Variants in TOP2A observed in about 807,000 individuals in gnomAD.
TOP2A encodes DNA topoisomerase II alpha.
Under a neutral mutation model 187.2 loss-of-function variants are expected in TOP2A, and 68 were observed. That is an observed-to-expected ratio of 0.36 (90% CI 0.30 to 0.44). The LOEUF is 0.44. Ranked by LOEUF, TOP2A falls within the 20% of genes least tolerant of loss-of-function variation. TOP2A has a pLI of 1.00. For synonymous variants in TOP2A, 542 were observed against 593.2 expected, an observed-to-expected ratio of 0.91 and a Z score of 1.25; for missense variants, 1,196 against 1,808.7, an observed-to-expected ratio of 0.66 and a Z score of 6.14.
At chr17:40,404,070 A>G in intron 19 of TOP2A, 82 bp downstream of exon 19, 1 of 1,540,326 alleles carries the variant, frequency 6.5e-7, no homozygotes, top group South Asian at 1.2e-5. Context: ...ATGAGCTTAT[A>G]CTTTCACCAA....
chr17:40,391,548 C>A lies in TOP2A; in HGVS notation c.4225G>T (p.Val1409Phe), dbSNP rs1311607691. 1 of 1,613,244 alleles carries A rather than the reference C, an allele frequency of 6.2e-7. No individual in the cohort carries two copies. The highest frequency in any genetic ancestry group is 1.7e-5 in the Admixed American group (1 of 59,870). The change falls in exon 33 of 35, where the codon GTT becomes TTT. Residue 1409 changes from valine to phenylalanine, a missense_variant. Physicochemically the swap from Val to Phe is conservative, Grantham distance 50 (BLOSUM62 -1). Around this residue, in one of 10 missense-constraint regions of TOP2A, gnomAD observed 374 missense variants for 403.3 expected, o/e 0.93. Transcript: ENST00000423485. ...FPDETEITNP[V>F]PKKNVTVKKT... ...TTCACTGTCACATTCTTTTTAGGAA[C>A]TGGGTTTGTAATTTCAGTTTCATCT...
intron 29 of TOP2A, among the ~76,000 whole-genome samples, chr17:40,393,987 C>T (rs142873676): frequency 0.012 from 1,611 of 138,898 alleles, 34 homozygotes; most frequent in African/African-American, 0.041. Flanking sequence ...ACCTAGCAGG[C>T]GGAGGTTGCA....
chr17:40,415,088 T>G (rs566637920), intron 4 of TOP2A, among the ~76,000 whole-genome samples: 1 of 150,970 alleles, frequency 6.6e-6, no homozygotes, highest in Non-Finnish European at 1.5e-5. Context: ...AGAGTCTTGC[T>G]GTGTCACCCA....
chr17:40,407,094 T>A (rs1288441842), intron 13 of TOP2A, among the ~76,000 whole-genome samples, 152 bp from the exon 14 acceptor site: 5 of 152,118 alleles, frequency 3.3e-5, no homozygotes, highest in Non-Finnish European at 7.4e-5. Flanking sequence ...TGAAACCCTG[T>A]CTCCACTAAA....
rs777684063 is a variant in TOP2A, at chr17:40,408,103, C to G, written c.1364G>C (p.Cys455Ser). Residue 455 changes from cysteine (C) to serine (S), a missense_variant, in exon 12 of 35, where the codon TGT (cysteine) becomes TCT (serine). Coordinates refer to ENST00000423485, the MANE Select transcript of TOP2A (RefSeq NM_001067.4). ...NDAGGRNSTE[C>S]TLILTEGDSA... ...ATCTCCCTCAGTCAGGATAAGCGTA[C>G]ACTCAGTGGAGTTTCGGCCCCCTAA... 50 of 1,603,646 alleles carry G rather than the reference C, an allele frequency of 3.1e-5. No homozygotes were observed. Among genetic ancestry groups the G allele is most frequent in the Non-Finnish European group, 3.9e-5 (46 of 1,176,088 alleles).
At chr17:40,416,368 T>C (rs2035390572) in intron 3 of TOP2A, 54 bp downstream of exon 3, 1 of 1,175,610 alleles carries the variant, frequency 8.5e-7, no homozygotes, top group African/African-American at 1.6e-5. Context: ...TTATTTGGAA[T>C]GATACTTCTT....
intron 22 of TOP2A, 35 bp from the exon 23 acceptor site, chr17:40,400,444 A>G (rs372971501): frequency 6.8e-6 from 11 of 1,607,622 alleles, no homozygotes; most frequent in Non-Finnish European, 9.3e-6. Flanking sequence ...TTTCTAAAAT[A>G]TAGGCTTCTG....
In TOP2A at chr17:40,392,316, C is replaced by A; in HGVS notation, c.3990G>T (p.Leu1330Phe). ...AATKTKFTMD[L>F]DSDEDFSDFD... ...AATCTGAGAAATCTTCATCTGAATC[C>A]AAATCCATTGTGAATTTTGTTTTTG... Residue 1330 changes from leucine (L) to phenylalanine (F), a missense_variant, in exon 31 of 35, where the codon TTG (leucine) becomes TTT (phenylalanine). Coordinates refer to ENST00000423485, the MANE Select transcript of TOP2A (RefSeq NM_001067.4). 6.3e-7 allele frequency: 1 copy of A among 1,596,584 alleles called. No individual in the cohort carries two copies. The highest frequency in any genetic ancestry group is 8.5e-7 in the Non-Finnish European group (1 of 1,170,772).
intron 4 of TOP2A, among the ~76,000 whole-genome samples, chr17:40,413,852 G>T (rs1356323691): frequency 3.3e-5 from 5 of 152,118 alleles, no homozygotes; most frequent in African/African-American, 9.7e-5. Context: ...AAAAAAATTA[G>T]CCAGGCATGG....
intron 3 of TOP2A, 117 bp from the exon 4 acceptor site, chr17:40,416,185 G>A: frequency 1.1e-6 from 1 of 882,308 alleles, no homozygotes; most frequent in Non-Finnish European, 1.8e-6. Flanking sequence ...GCATTAACAA[G>A]GTGTTAATTT....
At position 40,396,753 on chromosome 17, in the gene TOP2A, T is replaced by C. The variant is rs766902823; in HGVS notation, c.3538-288A>G. 5.5e-4 allele frequency among the ~76,000 whole-genome samples: 84 copies of C among 152,216 alleles called. 1 individual carries two copies. The highest frequency in any genetic ancestry group is 1.0e-3 in the Non-Finnish European group (69 of 68,040). ...TAAAACATGTATATACATATATATTTGTAAACTCACATACAAAATATGAAA... is the reference window on the plus strand; with the variant it reads ...TAAAACATGTATATACATATATATTCGTAAACTCACATACAAAATATGAAA... On this transcript the variant is annotated intron_variant, in intron 27 of 34. Transcript: ENST00000423485.
intron 30 of TOP2A, 77 bp downstream of exon 30, chr17:40,392,508 C>T: frequency 1.3e-6 from 2 of 1,509,476 alleles, no homozygotes; most frequent in East Asian, 2.3e-5. Context: ...ACAGTAATTT[C>T]TGGGGCAAAG....
chr17:40,411,464 G>A lies in TOP2A; in HGVS notation c.964-9C>T. 4 of 1,610,570 alleles carry A rather than the reference G, an allele frequency of 2.5e-6. No homozygotes were observed. The highest frequency in any genetic ancestry group is 2.5e-6 in the Non-Finnish European group (3 of 1,177,102). On this transcript the variant is annotated splice_polypyrimidine_tract_variant and intron_variant, in intron 8 of 34. Coordinates refer to ENST00000423485, the MANE Select transcript of TOP2A (RefSeq NM_001067.4). The surrounding 1 kb of genome is among the most constrained non-coding windows in gnomAD (Gnocchi z 4.4). ...TCAACATGTCTGCCACCCTAATAAG[G>A]AAAAATACCAAACTGTAAAACTCAG...
In TOP2A at chr17:40,406,840, T is replaced by C; in HGVS notation, c.1729A>G (p.Ile577Val). 6.2e-7 allele frequency: 1 copy of C among 1,604,398 alleles called. No individual in the cohort carries two copies. The highest frequency in any genetic ancestry group is 8.5e-7 in the Non-Finnish European group (1 of 1,174,040). Residue 577 changes from isoleucine to valine, a missense_variant, in exon 14 of 35, where the codon ATT becomes GTT. By Grantham distance (29) the Ile-to-Val change is conservative. Transcript: ENST00000423485. The stretch of plus-strand genomic sequence containing the variant: ...CTTAGAAATTAGCGTACCTTTACAA[T>C]GGGAGTGATAAATTCCTCCAGAAAA... ...HRFLEEFITP[I>V]VKVSKNKQEM...
In TOP2A at chr17:40,395,493, T is replaced by C. The variant is rs777634968; in HGVS notation, c.3767A>G (p.Glu1256Gly). ...CTTTTCTAATCTTTGTTTTAGGCCT[T>C]CTAGTTCCACACCATCTTCTTGAGG... is the stretch of plus-strand genomic sequence containing the variant. ...GSPQEDGVEL[E>G]GLKQRLEKKQ... is the part of the protein sequence containing the mutation. Residue 1256 changes from glutamate (E) to glycine (G), a missense_variant, in exon 29 of 35, where the codon GAA (glutamate) becomes GGA (glycine). Coordinates refer to ENST00000423485, the MANE Select transcript of TOP2A (RefSeq NM_001067.4). The C allele has an allele frequency of 1.2e-6, 2 of 1,612,328 alleles. No homozygotes were observed. Among genetic ancestry groups the C allele is most frequent in the South Asian group, 1.1e-5 (1 of 90,832 alleles).
At chr17:40,413,140 A>C (rs571310526) in intron 6 of TOP2A, 55 bp downstream of exon 6, 2 of 1,373,662 alleles carry the variant, frequency 1.5e-6, no homozygotes, top group South Asian at 2.5e-5. Context: ...ATGCCATTAT[A>C]AATGGCTATA....
rs201599542 is a variant in TOP2A at position 40,390,043 on chromosome 17, G to A, written c.4389C>T (p.Arg1463=). The A allele has an allele frequency of 9.9e-6, 16 of 1,613,774 alleles. No homozygotes were observed. Among genetic ancestry groups the A allele is most frequent in the African/African-American group, 2.7e-5 (2 of 74,900 alleles). ...CAGAAGTGGATGGCTTCCTTTTGCG[G>A]CGATTCTTGGTTTTGGCAGGATCAG... The part of the protein sequence containing the change: ...QKPDPAKTKN[R]RKRKPSTSDD... Residue 1463 remains arginine, a synonymous_variant, in exon 34 of 35, where the codon CGC becomes CGT. Coordinates refer to ENST00000423485, the MANE Select transcript of TOP2A (RefSeq NM_001067.4).
Position 40,400,272 on chromosome 17 carries a change from C to T in TOP2A, c.2937G>A (p.Glu979=). The T allele has an allele frequency of 6.2e-7, 1 of 1,613,754 alleles. No individual in the cohort carries two copies. The highest frequency in any genetic ancestry group is 1.1e-5 in the South Asian group (1 of 91,072). ...CTTTGTGTAGTCCAACTCTCTCTGCCTCTGCCAGTTTTTCTTCAGTCATCT... is the reference window on the plus strand; with the variant it reads ...CTTTGTGTAGTCCAACTCTCTCTGCTTCTGCCAGTTTTTCTTCAGTCATCT... The part of the protein sequence containing the change: ...VVKMTEEKLA[E]AERVGLHKVF... Residue 979 remains glutamate, a synonymous_variant, in exon 23 of 35, where the codon GAG becomes GAA. Transcript: ENST00000423485.
In TOP2A at chr17:40,404,868, G is replaced by GT; in HGVS notation, c.1968dup (p.Gln657ThrfsTer4). 1 of 1,585,270 alleles carries GT rather than the reference G, an allele frequency of 6.3e-7. No individual in the cohort carries two copies. The highest frequency in any genetic ancestry group is 1.1e-5 in the South Asian group (1 of 87,348). ...AACCATTCCTTTCGATCATCTATCT[G>GT]TTTTTTGCTAAAGGCCTATAAATTA... On this transcript the variant is annotated frameshift_variant, in exon 17 of 35. Transcript: ENST00000423485. LOFTEE classifies it high-confidence loss of function.
Sources: gnomAD v4.1 joint callset for allele counts (sites outside exome capture counted in the v4.1 genomes callset) on GRCh38, gnomAD v4.1.1 for gene constraint, gnomAD v4.1.1 regional missense constraint, Gnocchi (gnomAD v3.1) non-coding constraint, MANE v1.5 for transcripts, NCBI Gene and HGNC (gene_info 2026-07-23, HGNC 2026-07-21) for gene names.